ADH1B: variants seen among roughly 807,000 people sequenced by gnomAD.
ADH1B encodes the protein alcohol dehydrogenase 1B (class I), beta polypeptide, also known as all-trans-retinol dehydrogenase [NAD(+)] ADH1B.
A neutral mutation model predicts 34.6 loss-of-function variants in ADH1B; 29 were observed. The ratio of observed to expected loss-of-function variants is 0.84; its 90% CI spans 0.62 to 1.14. The LOEUF is 1.14. Among genes scored for constraint, ADH1B ranks in the 50% most tolerant of loss-of-function variants. ADH1B has a pLI of 0.00. For missense variants in ADH1B, 424 were observed against 468.4 expected, an observed-to-expected ratio of 0.91 and a Z score of 0.87; for synonymous variants, 170 against 175.5, an observed-to-expected ratio of 0.97 and a Z score of 0.25.
At position 99,311,920 on chromosome 4, in the gene ADH1B, A is replaced by T. The variant is rs1002115843; in HGVS notation, c.829-264T>A. ...CTAATAAAGGTATTTTGAACCCAGT[A>T]CTTTCAACCAGATATTTTGACGGTG... On this transcript the variant is annotated intron_variant, in intron 6 of 8. Transcript: ENST00000305046. Among the ~76,000 whole-genome samples the T allele has an allele frequency of 2.0e-5, 3 of 152,328 alleles. No homozygotes were observed. The South Asian group carries it at 6.2e-4, about 32-fold the overall frequency.
chr4:99,316,447 C>A, intron 3 of ADH1B, 145 bp from the exon 4 acceptor site: 1 of 853,654 alleles, frequency 1.2e-6, no homozygotes, highest in South Asian at 1.9e-5. Context: ...TGTCATCTTT[C>A]AATGCCTGCC....
At chr4:99,311,049 A>G (rs1283128623) in intron 7 of ADH1B, 146 bp from the exon 8 acceptor site, 11 of 983,034 alleles carry the variant, frequency 1.1e-5, no homozygotes, top group East Asian at 7.5e-5. Context: ...CAGTACTTCA[A>G]TATGCTTTTA....
Position 99,305,965 on chromosome 4 carries a change from C to T in ADH1B, c.*1875G>A, listed in dbSNP as rs1328746475. 1 of 152,158 alleles carries T rather than the reference C, an allele frequency of 6.6e-6. No homozygotes were observed. Among genetic ancestry groups the T allele is most frequent in the East Asian group, 1.9e-4 (1 of 5,180 alleles). 9.4% of individuals were successfully genotyped at this position (152,158 alleles called of 1,614,324 possible). A position where few individuals can be genotyped will look rare whatever the true frequency, so the allele number is the denominator to read the frequency against. On this transcript the variant is annotated 3_prime_UTR_variant, in exon 9 of 9. Transcript: ENST00000305046. Reference sequence around the variant, plus strand: ...TCCCATGATGATGTTATCTTACGGACATTCTGAAAACTTTCTTGACCCTGA... The same window carrying T: ...TCCCATGATGATGTTATCTTACGGATATTCTGAAAACTTTCTTGACCCTGA...
intron 5 of ADH1B, chr4:99,314,780 G>T (rs1733836121): frequency 6.6e-6 from 1 of 152,260 alleles, no homozygotes; most frequent in African/African-American, 2.4e-5. Context: ...TTGACCATCT[G>T]CTAACACGTA....
Position 99,319,135 on chromosome 4 carries a change from T to C in ADH1B, c.19-249A>G, listed in dbSNP as rs115839326. Reference sequence around the variant, plus strand: ...GGAATATATTTATTTAGGCCATTCTTATGTTGTTGTTTTTTCTCTGAAGGT... The same window carrying C: ...GGAATATATTTATTTAGGCCATTCTCATGTTGTTGTTTTTTCTCTGAAGGT... On this transcript the variant is annotated intron_variant, in intron 1 of 8. Coordinates refer to ENST00000305046, the MANE Select transcript of ADH1B (RefSeq NM_000668.6). 1,591 of 549,672 alleles carry C rather than the reference T, an allele frequency of 2.9e-3. 20 individuals are homozygous for C. Among genetic ancestry groups the C allele is most frequent in the African/African-American group, 0.027 (1,436 of 52,752 alleles). 34.0% of individuals were successfully genotyped at this position (549,672 alleles called of 1,614,324 possible). A position where few individuals can be genotyped will look rare whatever the true frequency, so the allele number is the denominator to read the frequency against.
At chr4:99,310,550 TCAACGTAATTTGA>T (rs1733724376) in intron 8 of ADH1B, among the ~76,000 whole-genome samples, 1 of 152,148 alleles carries the variant, frequency 6.6e-6, no homozygotes, top group East Asian at 1.9e-4. Flanking sequence ...TTTGCAGTAA[TCAACGTAATTTGA>T]CTCCAGCAGA....
intron 5 of ADH1B, chr4:99,315,673 A>G: frequency 1.6e-6 from 1 of 612,726 alleles, no homozygotes; most frequent in Non-Finnish European, 2.8e-6. Flanking sequence ...CAAATTCAGA[A>G]GAAAAATTAT....
rs1733592457 is a variant in ADH1B, at chr4:99,305,590, T to TATATATAC, written c.*2249_*2250insGTATATAT. 1.0e-5 allele frequency: 1 copy of TATATATAC among 99,252 alleles called. No homozygotes were observed. The highest frequency in any genetic ancestry group is 3.5e-5 in the African/African-American group (1 of 28,338). 6.1% of individuals were successfully genotyped at this position (99,252 alleles called of 1,614,324 possible). On this transcript the variant is annotated 3_prime_UTR_variant, in exon 9 of 9. Coordinates refer to ENST00000305046, the MANE Select transcript of ADH1B (RefSeq NM_000668.6). ...ATATATATATATATATATATATATA[T>TATATATAC]ATATATATATATATATATACAATCA... is the stretch of plus-strand genomic sequence containing the variant.
chr4:99,319,267 G>C, intron 1 of ADH1B: 1 of 316,216 alleles, frequency 3.2e-6, no homozygotes. Flanking sequence ...GACAGAGTCA[G>C]TGTCTGTCTA....
At chr4:99,314,446 T>C (rs923802312) in intron 5 of ADH1B, 3 of 244,846 alleles carry the variant, frequency 1.2e-5, no homozygotes, top group Non-Finnish European at 2.4e-5. Flanking sequence ...GAGATCCAGA[T>C]GGCAGTGATT....
At chr4:99,313,610 A>G in intron 6 of ADH1B, 1 of 827,842 alleles carries the variant, frequency 1.2e-6, no homozygotes, top group Non-Finnish European at 1.8e-6. Flanking sequence ...CTTTTCCTCT[A>G]GAGGAAATAT....
chr4:99,314,310 C>G, intron 5 of ADH1B: 2 of 671,344 alleles, frequency 3.0e-6, no homozygotes, highest in Non-Finnish European at 4.8e-6. Context: ...GGGAGCTTTA[C>G]AAAATATCCC....
chr4:99,307,902 G>A (rs1405801371), intron 8 of ADH1B, 38 bp from the exon 9 acceptor site: 1 of 1,613,710 alleles, frequency 6.2e-7, no homozygotes, highest in African/African-American at 1.3e-5. Flanking sequence ...TTAACATTTA[G>A]ACAACCCACA....
chr4:99,310,997 T>A, intron 7 of ADH1B, 94 bp from the exon 8 acceptor site: 1 of 1,460,748 alleles, frequency 6.8e-7, no homozygotes, highest in Non-Finnish European at 9.5e-7. Context: ...TTAGAAAAGG[T>A]GCTCCATTCC....
rs144770510 is a variant in ADH1B, at chr4:99,311,464, G to C, written c.964+57C>G. 7.0e-6 allele frequency: 11 copies of C among 1,564,044 alleles called. No individual in the cohort carries two copies. In the East Asian group the frequency reaches 2.5e-4, roughly 35 times the overall value. ...GGCATATATATTGAGATTATATTGA[G>C]ATTAATGAGATATATTGAGATTAAT... On this transcript the variant is annotated intron_variant, in intron 7 of 8. Transcript: ENST00000305046.
intron 8 of ADH1B, among the ~76,000 whole-genome samples, chr4:99,309,499 G>T (rs1475404972): frequency 6.6e-6 from 1 of 151,892 alleles, no homozygotes; most frequent in East Asian, 1.9e-4. Context: ...TTCTTATGTT[G>T]CTCAACACTG....
At chr4:99,321,135 T>C (rs1734015445) in intron 1 of ADH1B, among the ~76,000 whole-genome samples, 179 bp downstream of exon 1, 1 of 152,178 alleles carries the variant, frequency 6.6e-6, no homozygotes, top group African/African-American at 2.4e-5. Context: ...TACTTAAGAA[T>C]AGCTTATTTC....
At chr4:99,308,019 A>G (rs1733654301) in intron 8 of ADH1B, among the ~76,000 whole-genome samples, 155 bp from the exon 9 acceptor site, 1 of 152,154 alleles carries the variant, frequency 6.6e-6, no homozygotes. Flanking sequence ...AAGAAAAAGG[A>G]AGTTCATCTT....
intron 8 of ADH1B, 141 bp from the exon 9 acceptor site, chr4:99,308,005 G>A: frequency 9.0e-7 from 1 of 1,106,432 alleles, no homozygotes; most frequent in Non-Finnish European, 1.3e-6. Flanking sequence ...CATACATTTG[G>A]TTCAAGAAAA....
Sources: gnomAD v4.1 joint callset for allele counts (sites outside exome capture counted in the v4.1 genomes callset) on GRCh38, gnomAD v4.1.1 for gene constraint, MANE v1.5 for transcripts, NCBI Gene and HGNC (gene_info 2026-07-23, HGNC 2026-07-21) for gene names.